NELFB: variants seen among roughly 807,000 people sequenced by gnomAD.
NELFB encodes the protein negative elongation factor B.
In NELFB, 34 loss-of-function variants were observed where a neutral mutation model predicts 60.2. The observed-to-expected ratio is 0.56, with a 90% confidence interval of 0.43 to 0.75. NELFB has a LOEUF of 0.75. Among genes scored for constraint, NELFB ranks in the 30% least tolerant of loss-of-function variants. The pLI is 0.00. For missense variants in NELFB, 770 were observed against 831.6 expected (o/e 0.93, Z 0.91); for synonymous variants, 459 against 382.1 (o/e 1.20, Z -2.35).
chr9:137,262,355 A>T (rs890490612), intron 4 of NELFB, among the ~76,000 whole-genome samples: 1 of 152,142 alleles, frequency 6.6e-6, no homozygotes, highest in African/African-American at 2.4e-5. Context: ...GTCTTCCCAG[A>T]TGCTGGCGTC....
intron 1 of NELFB, 74 bp downstream of exon 1, chr9:137,255,685 A>T: frequency 2.7e-6 from 4 of 1,469,074 alleles, no homozygotes; most frequent in Non-Finnish European, 3.7e-6. Flanking sequence ...GGCCTGGCGG[A>T]GGCGCCGGAA....
intron 4 of NELFB, among the ~76,000 whole-genome samples, chr9:137,259,111 G>A (rs1272006679): frequency 6.6e-6 from 1 of 152,128 alleles, no homozygotes; most frequent in Non-Finnish European, 1.5e-5. Flanking sequence ...GGATTGCTTA[G>A]GCCTCGGATA....
Position 137,270,779 on chromosome 9 carries a change from G to A in NELFB, c.1490-1302G>A, listed in dbSNP as rs1375573231. Reference sequence around the variant, plus strand: ...CTACTAAAAATAGAAAAATTAGCCCGGCGCGGTGGCGCACGCGTGTAATCC... The same window carrying A: ...CTACTAAAAATAGAAAAATTAGCCCAGCGCGGTGGCGCACGCGTGTAATCC... On this transcript the variant is annotated intron_variant, in intron 10 of 12. Transcript: ENST00000343053. 3.3e-5 allele frequency among the ~76,000 whole-genome samples: 5 copies of A among 152,184 alleles called. No individual in the cohort carries two copies. In the South Asian group the frequency reaches 8.3e-4, roughly 25 times the overall value.
rs1830513587 is a variant in NELFB, at chr9:137,265,970, A to G, written c.1134A>G (p.Thr378=). 1.2e-6 allele frequency: 2 copies of G among 1,611,380 alleles called. No individual in the cohort carries two copies. The highest frequency in any genetic ancestry group is 1.3e-5 in the African/African-American group (1 of 74,898). The change falls in exon 7 of 13, where the codon ACA becomes ACG. Residue 378 remains threonine, a synonymous_variant. Transcript: ENST00000343053. ...TGCAGGAGCTGGTCGGCCAGGAGAC[A>G]CTGCCCAGGGTGAGTGTGGGCTTGG...
chr9:137,255,434 TGGG>T lies in NELFB; in HGVS notation c.71_73del (p.Gly24del). 7.5e-7 allele frequency: 1 copy of T among 1,329,390 alleles called. No homozygotes were observed. The highest frequency in any genetic ancestry group is 1.0e-6 in the Non-Finnish European group (1 of 1,002,522). The allele number at this position is 1,329,390 out of a possible 1,614,324, so 82.3% of individuals were successfully genotyped here. A position where few individuals can be genotyped will look rare whatever the true frequency, so the allele number is the denominator to read the frequency against. On this transcript the variant is annotated inframe_deletion, in exon 1 of 13. Coordinates refer to ENST00000343053, the MANE Select transcript of NELFB (RefSeq NM_015456.5). ...CCCGAGGCCCGGCGGAGCGGGCTTCTGGGGTGTCTGCGGCGGCGCCGGGGGAAC... is the reference window on the plus strand; with the variant it reads ...CCCGAGGCCCGGCGGAGCGGGCTTCTGTGTCTGCGGCGGCGCCGGGGGAAC...
intron 12 of NELFB, 70 bp from the exon 13 acceptor site, chr9:137,272,712 G>T: frequency 1.3e-6 from 2 of 1,521,604 alleles, no homozygotes; most frequent in Non-Finnish European, 1.8e-6. Flanking sequence ...TGTGGTCGGT[G>T]GGCACCCACC....
Position 137,266,907 on chromosome 9 carries a change from C to T in NELFB, c.1240-37C>T, listed in dbSNP as rs200960371. 101 of 1,607,288 alleles carry T rather than the reference C, an allele frequency of 6.3e-5. No individual in the cohort carries two copies. The Admixed American group carries it at 7.4e-4, about 12-fold the overall frequency. ...CGTCAGGGTGGGGTGGGGCAGGGCCCGGGCCCGCGCCCGCTCATGGCCTCC... is the reference window on the plus strand; with the variant it reads ...CGTCAGGGTGGGGTGGGGCAGGGCCTGGGCCCGCGCCCGCTCATGGCCTCC... On this transcript the variant is annotated intron_variant, in intron 8 of 12. Transcript: ENST00000343053.
intron 10 of NELFB, among the ~76,000 whole-genome samples, chr9:137,271,495 C>T (rs1830583804): frequency 1.3e-5 from 2 of 152,270 alleles, no homozygotes; most frequent in South Asian, 2.1e-4. Context: ...CAAATGTCTG[C>T]CAACACCGTG....
chr9:137,260,844 A>G (rs1246535101), intron 4 of NELFB, among the ~76,000 whole-genome samples: 2 of 151,300 alleles, frequency 1.3e-5, no homozygotes, highest in African/African-American at 4.9e-5. Context: ...GTGGATCACG[A>G]GGTCAGGAGT....
At chr9:137,257,797 T>C (rs796391106) in intron 4 of NELFB, among the ~76,000 whole-genome samples, 9 of 82,800 alleles carry the variant, frequency 1.1e-4, no homozygotes, top group African/African-American at 2.7e-4. Context: ...CCACCGTGCC[T>C]GGCTTTTTTT....
At chr9:137,268,082 C>A (rs1171822252) in intron 10 of NELFB, among the ~76,000 whole-genome samples, 1 of 151,724 alleles carries the variant, frequency 6.6e-6, no homozygotes. Flanking sequence ...CAAATGGGCA[C>A]CTTCAAGAGT....
chr9:137,263,319 CCACTGCCCTCCTGAAGGTAG>C (rs1830477563), intron 5 of NELFB, 97 bp downstream of exon 5: 24 of 1,167,344 alleles, frequency 2.1e-5, no homozygotes, highest in Non-Finnish European at 2.6e-5. Context: ...CCTCCTTCCC[CCACTGCCCTCCTGAAGGTAG>C]CGCTGCCCTC....
chr9:137,271,548 A>T (rs911764718), intron 10 of NELFB, among the ~76,000 whole-genome samples: 1 of 152,244 alleles, frequency 6.6e-6, no homozygotes, highest in Admixed American at 6.5e-5. Flanking sequence ...GTGGGCACGA[A>T]TGCTGTCTTT....
chr9:137,267,490 CT>C (rs1174937800), intron 10 of NELFB, 144 bp downstream of exon 10: 72,004 of 436,180 alleles, frequency 0.17, 150 homozygotes, highest in East Asian at 0.24. Context: ...TTGTTTTCAC[CT>C]TTTTTTTTTT....
At chr9:137,266,846 G>A in intron 8 of NELFB, 98 bp from the exon 9 acceptor site, 2 of 1,445,292 alleles carry the variant, frequency 1.4e-6, no homozygotes, top group Non-Finnish European at 1.9e-6. Context: ...TGAGGTATCT[G>A]GGGGAGTGGG....
intron 4 of NELFB, among the ~76,000 whole-genome samples, chr9:137,262,509 G>A (rs931795293): frequency 6.6e-6 from 1 of 152,222 alleles, no homozygotes; most frequent in Non-Finnish European, 1.5e-5. Context: ...ATTGTAGAGC[G>A]AGGATTGTTA....
intron 4 of NELFB, among the ~76,000 whole-genome samples, chr9:137,261,486 C>T (rs187526520): frequency 3.9e-5 from 6 of 151,978 alleles, no homozygotes; most frequent in South Asian, 4.2e-4. Flanking sequence ...GGTGAAACCC[C>T]GTCTCTACTA....
At chr9:137,264,427 T>C in intron 6 of NELFB, 70 bp downstream of exon 6, 2 of 1,145,850 alleles carry the variant, frequency 1.7e-6, no homozygotes, top group Non-Finnish European at 2.5e-6. Flanking sequence ...CTTGCTGTGT[T>C]TTGCCGTGGG....
rs555749898 is a variant in NELFB, at chr9:137,258,844, A to T, written c.741+1790A>T. Among the ~76,000 whole-genome samples, 14 of 152,290 alleles carry T rather than the reference A, an allele frequency of 9.2e-5. No homozygotes were observed. The South Asian group carries it at 2.9e-3, about 32-fold the overall frequency. On this transcript the variant is annotated intron_variant, in intron 4 of 12. Transcript: ENST00000343053. ...ATCCACATTAAGAAAAAAAAATGAG[A>T]TCAACTTCATTAATGTTTTCTTTGG...
Sources: gnomAD v4.1 joint callset for allele counts (sites outside exome capture counted in the v4.1 genomes callset) on GRCh38, gnomAD v4.1.1 for gene constraint, MANE v1.5 for transcripts, NCBI Gene and HGNC (gene_info 2026-07-23, HGNC 2026-07-21) for gene names.